TEAD3: variants seen among roughly 807,000 people sequenced by gnomAD.
The protein encoded by TEAD3 is transcriptional enhancer factor TEF-5.
In TEAD3, 15 loss-of-function variants were observed where a neutral mutation model predicts 55.6. That is an observed-to-expected ratio of 0.27 (90% CI 0.18 to 0.42). The LOEUF (loss-of-function observed/expected upper bound fraction) is 0.42, where lower values mean the gene tolerates loss of function less well. TEAD3 is among the 10% of genes least tolerant of loss of function. TEAD3 has a pLI of 1.00. For missense variants in TEAD3, 407 were observed against 576.8 expected (o/e 0.71, Z 3.01); for synonymous variants, 210 against 232.2 (o/e 0.90, Z 0.87).
chr6:35,488,482 G>A lies in TEAD3; in HGVS notation c.-49-1771C>T, dbSNP rs911986072. On this transcript the variant is annotated intron_variant, in intron 1 of 12. Coordinates refer to ENST00000639578, the Ensembl canonical transcript of TEAD3. This position sits in a 1 kb window ranked among gnomAD's most constrained non-coding sequence, Gnocchi z 4.2. ...AAGAGCCCATGATGGCTGGATCCTG[G>A]GACTTAGCTCTGGGCAGCAGGGAAA... is the stretch of plus-strand genomic sequence containing the variant. Among the ~76,000 whole-genome samples, 3 of 152,094 alleles carry A rather than the reference G, an allele frequency of 2.0e-5. No homozygotes were observed. Among genetic ancestry groups the A allele is most frequent in the African/African-American group, 7.2e-5 (3 of 41,404 alleles).
At chr6:35,478,191 C>T in intron 7 of TEAD3, 84 bp downstream of exon 7, 1 of 1,540,024 alleles carries the variant, frequency 6.5e-7, no homozygotes, top group Non-Finnish European at 8.9e-7. Context: ...CTTTGCTCAG[C>T]TGTTGCTGGA....
intron 1 of TEAD3, among the ~76,000 whole-genome samples, chr6:35,493,181 T>A (rs1257949171): frequency 2.6e-5 from 4 of 152,228 alleles, no homozygotes; most frequent in Admixed American, 2.6e-4. Flanking sequence ...GCTGGGTTTT[T>A]AAAAATGTCT....
chr6:35,480,502 A>C, intron 3 of TEAD3, 128 bp from the exon 4 acceptor site: 1 of 948,588 alleles, frequency 1.1e-6, no homozygotes, highest in South Asian at 1.5e-5. Context: ...AAATGGGGGG[A>C]CCTTTTTTCT....
chr6:35,477,302 G>C lies in TEAD3; in HGVS notation c.592+9C>G. Reference sequence around the variant, plus strand: ...TGCCAAGGGAGAGCACCTCGTGTGGGGAACTTACTGCTGAGCGTCGGCGGC... The same window carrying C: ...TGCCAAGGGAGAGCACCTCGTGTGGCGAACTTACTGCTGAGCGTCGGCGGC... On this transcript the variant is annotated intron_variant, in intron 8 of 12. Transcript: ENST00000639578. 1 of 1,609,584 alleles carries C rather than the reference G, an allele frequency of 6.2e-7. No homozygotes were observed. The highest frequency in any genetic ancestry group is 1.1e-5 in the South Asian group (1 of 91,080).
Position 35,483,854 on chromosome 6 carries a change from C to T in TEAD3, c.267+706G>A, listed in dbSNP as rs868238072. On this transcript the variant is annotated intron_variant, in intron 3 of 12. Coordinates refer to ENST00000639578, the Ensembl canonical transcript of TEAD3. This position sits in a 1 kb window ranked among gnomAD's most constrained non-coding sequence, Gnocchi z 4.5. The stretch of plus-strand genomic sequence containing the variant: ...GGGCTTGAAGAAGTTACTTAACTTC[C>T]CTATGCATCAGTTTCCTCATAGTAA... 2.0e-5 allele frequency among the ~76,000 whole-genome samples: 3 copies of T among 152,034 alleles called. No homozygotes were observed. Among genetic ancestry groups the T allele is most frequent in the Non-Finnish European group, 4.4e-5 (3 of 68,002 alleles).
rs1768684317 is a variant in TEAD3, at chr6:35,496,945, C to A, written c.-97G>T. The A allele has an allele frequency of 6.6e-6, 1 of 151,660 alleles. No homozygotes were observed. The highest frequency in any genetic ancestry group is 2.4e-5 in the African/African-American group (1 of 41,326). The allele number at this position is 151,660 out of a possible 1,614,324, so 9.4% of individuals were successfully genotyped here. On this transcript the variant is annotated 5_prime_UTR_variant, in exon 1 of 13. Coordinates refer to ENST00000639578, the Ensembl canonical transcript of TEAD3. This position sits in a 1 kb window ranked among gnomAD's most constrained non-coding sequence, Gnocchi z 4.8. ...CTCCGGCCGGGCCGCTCCGCCGGGC[C>A]CGAGGGAGCCGCAAGGGGGGCCGGG...
At position 35,483,189 on chromosome 6, in the gene TEAD3, AG is replaced by A. The variant is rs1768297370; in HGVS notation, c.267+1370del. ...GGTGCTGCATGAGCTAGACTTAGGG[AG>A]GGTGGTTCATAAATGCTTGAATGAA... is the stretch of plus-strand genomic sequence containing the variant. On this transcript the variant is annotated intron_variant, in intron 3 of 12. Coordinates refer to ENST00000639578, the Ensembl canonical transcript of TEAD3. This position sits in a 1 kb window ranked among gnomAD's most constrained non-coding sequence, Gnocchi z 4.5. 6.6e-6 allele frequency among the ~76,000 whole-genome samples: 1 copy of A among 152,160 alleles called. No individual in the cohort carries two copies. The highest frequency in any genetic ancestry group is 6.5e-5 in the Admixed American group (1 of 15,282).
rs931829876 is a variant in TEAD3 at position 35,475,760 on chromosome 6, G to T, written c.901-54C>A. 1 of 1,527,778 alleles carries T rather than the reference G, an allele frequency of 6.5e-7. No homozygotes were observed. Among genetic ancestry groups the T allele is most frequent in the Admixed American group, 2.1e-5 (1 of 48,164 alleles). 94.6% of individuals were successfully genotyped at this position (1,527,778 alleles called of 1,614,324 possible). A position where few individuals can be genotyped will look rare whatever the true frequency, so the allele number is the denominator to read the frequency against. Reference sequence around the variant, plus strand: ...GCTGGCAGAGACCAGAAGTATTCCCGCCACACCACATCAGAGTCCTGCCCA... The same window carrying T: ...GCTGGCAGAGACCAGAAGTATTCCCTCCACACCACATCAGAGTCCTGCCCA... On this transcript the variant is annotated intron_variant, in intron 10 of 12. Transcript: ENST00000639578. The surrounding 1 kb of genome is among the most constrained non-coding windows in gnomAD (Gnocchi z 5.4).
rs1452018369 is a variant in TEAD3, at chr6:35,484,674, G to A, written c.203-50C>T. 9 of 1,520,344 alleles carry A rather than the reference G, an allele frequency of 5.9e-6. No individual in the cohort carries two copies. Among genetic ancestry groups the A allele is most frequent in the Non-Finnish European group, 8.1e-6 (9 of 1,117,338 alleles). 94.2% of individuals were successfully genotyped at this position (1,520,344 alleles called of 1,614,324 possible). Reference sequence around the variant, plus strand: ...GAGGAGTGGGCAAAGGGTGGAGCCAGAGGCTGGAGGCCCCCACCCCACCGG... The same window carrying A: ...GAGGAGTGGGCAAAGGGTGGAGCCAAAGGCTGGAGGCCCCCACCCCACCGG... On this transcript the variant is annotated intron_variant, in intron 2 of 12. Transcript: ENST00000639578. The surrounding 1 kb of genome is among the most constrained non-coding windows in gnomAD (Gnocchi z 5.8).
chr6:35,491,924 C>T lies in TEAD3; in HGVS notation c.-50+4974G>A, dbSNP rs1359040506. Among the ~76,000 whole-genome samples, 1 of 152,202 alleles carries T rather than the reference C, an allele frequency of 6.6e-6. No homozygotes were observed. Among genetic ancestry groups the T allele is most frequent in the African/African-American group, 2.4e-5 (1 of 41,452 alleles). ...CGCTGCAGAGGCCCTGGTCCCCCAC[C>T]CCCACAGACCCTGCAGCCTCCAGAC... is the stretch of plus-strand genomic sequence containing the variant. On this transcript the variant is annotated intron_variant, in intron 1 of 12. Transcript: ENST00000639578. This position sits in a 1 kb window ranked among gnomAD's most constrained non-coding sequence, Gnocchi z 4.4.
Position 35,475,305 on chromosome 6 carries a change from G to A in TEAD3, c.1194+31C>T, listed in dbSNP as rs767289859. 5.2e-5 allele frequency: 84 copies of A among 1,609,684 alleles called. No homozygotes were observed. The highest frequency in any genetic ancestry group is 2.7e-5 in the Non-Finnish European group (32 of 1,177,296). ...CCCAACTTGGAGGCCCTGGCCTGTG[G>A]GACTCCCCACGACCCCTGCTGCCCC... On this transcript the variant is annotated intron_variant, in intron 12 of 12. Transcript: ENST00000639578. This position sits in a 1 kb window ranked among gnomAD's most constrained non-coding sequence, Gnocchi z 5.4.
rs1768516985 is a variant in TEAD3 at position 35,491,434 on chromosome 6, G to A, written c.-49-4723C>T. Among the ~76,000 whole-genome samples the A allele has an allele frequency of 6.6e-6, 1 of 152,076 alleles. No individual in the cohort carries two copies. The highest frequency in any genetic ancestry group is 6.6e-5 in the Admixed American group (1 of 15,260). On this transcript the variant is annotated intron_variant, in intron 1 of 12. Transcript: ENST00000639578. This position sits in a 1 kb window ranked among gnomAD's most constrained non-coding sequence, Gnocchi z 4.4. The stretch of plus-strand genomic sequence containing the variant: ...GGGATGGGGAGAAAGAAAAAGACAG[G>A]GACAAGGACAGAGACCCAGAGGCCA...
intron 8 of TEAD3, 75 bp from the exon 9 acceptor site, chr6:35,476,510 A>G: frequency 6.3e-7 from 1 of 1,579,332 alleles, no homozygotes; most frequent in South Asian, 1.2e-5. Context: ...CCCAGCTTGC[A>G]AAGGTGCCCC....
intron 1 of TEAD3, among the ~76,000 whole-genome samples, chr6:35,487,756 A>AAAC (rs764956270): frequency 1.1e-4 from 16 of 152,024 alleles, no homozygotes; most frequent in Non-Finnish European, 1.8e-4. Context: ...AAAAACAAAC[A>AAAC]AACAACAACA....
At chr6:35,480,463 A>G in intron 3 of TEAD3, 89 bp from the exon 4 acceptor site, 1 of 1,375,764 alleles carries the variant, frequency 7.3e-7, no homozygotes, top group Non-Finnish European at 1.0e-6. Context: ...GGAGCATCCC[A>G]GACCTCTCAT....
At chr6:35,474,098 CCTT>C (rs1183225391), downstream of TEAD3, 3 of 152,282 alleles carry the variant, frequency 2.0e-5, no homozygotes, top group African/African-American at 7.2e-5. Context: ...AAATCAAAAG[CCTT>C]CTGCTACTCT....
chr6:35,487,747 AAAAC>A (rs1418191890), intron 1 of TEAD3, among the ~76,000 whole-genome samples: 203 of 152,172 alleles, frequency 1.3e-3, no homozygotes, highest in African/African-American at 4.6e-3. Context: ...AAAACACACA[AAAAC>A]AAACAAACAA....
At chr6:35,494,974 G>A (rs547032888) in intron 1 of TEAD3, among the ~76,000 whole-genome samples, 63 of 152,000 alleles carry the variant, frequency 4.1e-4, no homozygotes, top group African/African-American at 1.5e-3. Flanking sequence ...TCACCCACCC[G>A]CCTCTCCAGA....
At position 35,488,754 on chromosome 6, in the gene TEAD3, TGC is replaced by T. The variant is rs1768439329; in HGVS notation, c.-49-2045_-49-2044del. Among the ~76,000 whole-genome samples, 1 of 152,174 alleles carries T rather than the reference TGC, an allele frequency of 6.6e-6. No homozygotes were observed. The highest frequency in any genetic ancestry group is 1.5e-5 in the Non-Finnish European group (1 of 68,028). ...GTTTTTTATTTTTTAGACGGAGTCT[TGC>T]TCTGTCGCCCAGGCTAGAGTGCAAT... On this transcript the variant is annotated intron_variant, in intron 1 of 12. Coordinates refer to ENST00000639578, the Ensembl canonical transcript of TEAD3. This position sits in a 1 kb window ranked among gnomAD's most constrained non-coding sequence, Gnocchi z 4.2.
Sources: allele counts gnomAD v4.1 joint callset (sites outside exome capture counted in the v4.1 genomes callset), GRCh38; gene constraint gnomAD v4.1.1; non-coding constraint Gnocchi (gnomAD v3.1); transcripts MANE v1.5; gene names NCBI Gene and HGNC (gene_info 2026-07-23, HGNC 2026-07-21).